ROBO2: variants seen among roughly 807,000 people sequenced by gnomAD.
The protein encoded by ROBO2 is roundabout homolog 2.
A neutral mutation model predicts 160.8 loss-of-function variants in ROBO2; 53 were observed. That is an observed-to-expected ratio of 0.33 (90% CI 0.26 to 0.41). ROBO2 has a LOEUF of 0.41. Among genes scored for constraint, ROBO2 ranks in the 10% least tolerant of loss-of-function variants. The pLI is 1.00. For missense variants in ROBO2, 1,577 were observed against 1,722.4 expected (o/e 0.92, Z 1.49); for synonymous variants, 664 against 611.7 (o/e 1.09, Z -1.26).
chr3:77,252,579 G>A (rs576475027), intron 2 of ROBO2, among the ~76,000 whole-genome samples: 5 of 151,280 alleles, frequency 3.3e-5, no homozygotes, highest in East Asian at 2.0e-4. Context: ...AGGCCGAGGC[G>A]GGCAGATCAT....
intron 2 of ROBO2, among the ~76,000 whole-genome samples, chr3:77,314,801 C>T (rs1225038755): frequency 1.3e-5 from 2 of 152,124 alleles, no homozygotes; most frequent in Non-Finnish European, 1.5e-5. Flanking sequence ...TTGTTTCATT[C>T]AATTCATCAT....
At chr3:76,219,102 C>G (rs902082392) in intron 2 of ROBO2, among the ~76,000 whole-genome samples, 13 of 152,158 alleles carry the variant, frequency 8.5e-5, no homozygotes, top group Non-Finnish European at 1.2e-4. Flanking sequence ...GGAAAACTGG[C>G]TAGCCATATG....
At chr3:76,418,361 C>T (rs1259208670) in intron 2 of ROBO2, among the ~76,000 whole-genome samples, 1 of 151,966 alleles carries the variant, frequency 6.6e-6, no homozygotes, top group Non-Finnish European at 1.5e-5. Context: ...CTGCCTCAGC[C>T]TCCAGAGTAG....
intron 2 of ROBO2, among the ~76,000 whole-genome samples, chr3:77,457,141 C>G (rs549664828): frequency 6.6e-6 from 1 of 152,230 alleles, no homozygotes; most frequent in South Asian, 2.1e-4. Flanking sequence ...ATAACATTCT[C>G]TAGGAAGTCA....
intron 2 of ROBO2, among the ~76,000 whole-genome samples, chr3:76,509,397 T>C (rs887343186): frequency 6.6e-6 from 1 of 152,174 alleles, no homozygotes; most frequent in Admixed American, 6.5e-5. Context: ...TGGCAGCTCT[T>C]CTGGGTGGCA....
chr3:75,937,576 G>T (rs756424490), exon 2 of ROBO2: 23 of 1,562,888 alleles, frequency 1.5e-5, no homozygotes, highest in Middle Eastern at 1.7e-4. Context: ...GTGTTTTGGG[G>T]TCATCAGGGG....
chr3:77,381,582 C>CCTGA (rs2073474989), intron 2 of ROBO2, among the ~76,000 whole-genome samples: 1 of 152,148 alleles, frequency 6.6e-6, no homozygotes, highest in South Asian at 2.1e-4. Context: ...TTTGCATCTT[C>CCTGA]CTGACATTTG....
At chr3:77,527,762 T>G (rs956211740) in intron 6 of ROBO2, among the ~76,000 whole-genome samples, 1 of 151,600 alleles carries the variant, frequency 6.6e-6, no homozygotes, top group Admixed American at 6.6e-5. Context: ...AATAATCAAT[T>G]ATTAGTTATG....
chr3:76,481,103 G>C (rs188693225), intron 2 of ROBO2, among the ~76,000 whole-genome samples: 1 of 152,088 alleles, frequency 6.6e-6, no homozygotes, highest in African/African-American at 2.4e-5. Flanking sequence ...AAGGAAATGC[G>C]TCTCAATGAC....
chr3:77,432,327 C>T (rs2078856473), intron 2 of ROBO2, among the ~76,000 whole-genome samples: 1 of 152,090 alleles, frequency 6.6e-6, no homozygotes, highest in Non-Finnish European at 1.5e-5. Flanking sequence ...ATACAGGATA[C>T]CCTCTGTGAG....
At position 76,895,809 on chromosome 3, in the gene ROBO2, A is replaced by T. The variant is rs76539218; in HGVS notation, c.110-202205A>T. ...GGTTACTCTTTTCTACTTTAGAATA[A>T]GACATTTTTTAAGTAATTTCATTTT... On this transcript the variant is annotated intron_variant, in intron 2 of 26. Coordinates refer to the ROBO2 transcript ENST00000487694. Among the ~76,000 whole-genome samples the T allele has an allele frequency of 6.7e-3, 1,026 of 152,330 alleles. 11 individuals carry two copies. The highest frequency in any genetic ancestry group is 0.024 in the African/African-American group (977 of 41,566).
At chr3:76,855,266 G>A (rs1252585034) in intron 2 of ROBO2, among the ~76,000 whole-genome samples, 2 of 152,120 alleles carry the variant, frequency 1.3e-5, no homozygotes, top group Non-Finnish European at 2.9e-5. Flanking sequence ...GGGCAAAATA[G>A]TCCACTGTGT....
intron 2 of ROBO2, among the ~76,000 whole-genome samples, chr3:77,337,337 T>A (rs529021904): frequency 1.3e-5 from 2 of 152,258 alleles, no homozygotes; most frequent in African/African-American, 4.8e-5. Context: ...AAAAATGGCA[T>A]CTCTTCCTCA....
At chr3:77,252,831 A>AAAAAATAT in intron 2 of ROBO2, among the ~76,000 whole-genome samples, 9 of 12,516 alleles carry the variant, frequency 7.2e-4, no homozygotes, top group African/African-American at 1.4e-3. Context: ...AAAAAAAAAA[A>AAAAAATAT]ATATATATAT....
intron 1 of ROBO2, among the ~76,000 whole-genome samples, chr3:77,087,463 A>G (rs2069476264): frequency 1.3e-5 from 2 of 152,174 alleles, no homozygotes; most frequent in Non-Finnish European, 2.9e-5. Flanking sequence ...AGTAAATCAC[A>G]CTTTAAAGAA....
chr3:76,712,638 G>T (rs1032733420), intron 2 of ROBO2, among the ~76,000 whole-genome samples: 13 of 151,720 alleles, frequency 8.6e-5, no homozygotes, highest in African/African-American at 3.1e-4. Context: ...TCATGCTGCT[G>T]CACTCCAGCC....
chr3:77,127,421 A>G (rs1258612604), intron 2 of ROBO2, among the ~76,000 whole-genome samples: 1 of 152,166 alleles, frequency 6.6e-6, no homozygotes, highest in African/African-American at 2.4e-5. Flanking sequence ...CTTTTATTAT[A>G]GATATCTTTC....
intron 2 of ROBO2, among the ~76,000 whole-genome samples, chr3:77,290,042 G>A (rs1174479246): frequency 1.2e-4 from 18 of 150,982 alleles, no homozygotes; most frequent in African/African-American, 3.2e-4. Context: ...ACGATTAAAT[G>A]GGTAAGCTGA....
chr3:76,729,362 A>C, intron 2 of ROBO2, among the ~76,000 whole-genome samples: 1 of 152,144 alleles, frequency 6.6e-6, no homozygotes, highest in Non-Finnish European at 1.5e-5. Flanking sequence ...ACAATGTGGG[A>C]ATACTCTCTC....
Sources: gnomAD v4.1 joint callset for allele counts (sites outside exome capture counted in the v4.1 genomes callset) on GRCh38, gnomAD v4.1.1 for gene constraint, MANE v1.5 for transcripts, NCBI Gene and HGNC (gene_info 2026-07-23, HGNC 2026-07-21) for gene names.